The following ZNF808 variants were observed in gnomAD, a reference collection of about 807,000 sequenced individuals.
ZNF808 encodes the protein zinc finger protein 808.
Under a neutral mutation model 8.7 loss-of-function variants are expected in ZNF808, and 5 were observed. That is an observed-to-expected ratio of 0.58 (90% confidence interval 0.30 to 1.21). ZNF808 has a LOEUF of 1.21. Among genes scored for constraint, ZNF808 ranks in the 50% most tolerant of loss-of-function variants. The probability of loss-of-function intolerance (pLI) is 0.07; values close to 1 mark genes in which losing one functional copy is unlikely to be tolerated. For synonymous variants in ZNF808, 380 were observed against 366.0 expected, an observed-to-expected ratio of 1.04 and a Z score of -0.44; for missense variants, 1,103 against 1,098.4, an observed-to-expected ratio of 1.00 and a Z score of -0.06.
intron 4 of ZNF808, among the ~76,000 whole-genome samples, chr19:52,552,288 A>AT (rs928693146): frequency 6.8e-4 from 103 of 152,220 alleles, no homozygotes; most frequent in African/African-American, 2.2e-3. Flanking sequence ...AAGTGCTGGG[A>AT]TTACAGGCAT....
intron 2 of ZNF808, among the ~76,000 whole-genome samples, chr19:52,540,202 T>TA (rs1470809264): frequency 6.6e-6 from 1 of 151,840 alleles, no homozygotes; most frequent in Non-Finnish European, 1.5e-5. Context: ...AGTAGAGACA[T>TA]AGTTTCTCCA....
chr19:52,567,652 G>A (rs1355188584), downstream of ZNF808, among the ~76,000 whole-genome samples: 2 of 151,560 alleles, frequency 1.3e-5, no homozygotes, highest in Admixed American at 1.3e-4. Context: ...AGCCTCCGGA[G>A]TAGCTGGGAC....
At chr19:52,568,257 T>C (rs999890862), downstream of ZNF808, among the ~76,000 whole-genome samples, 6 of 152,174 alleles carry the variant, frequency 3.9e-5, no homozygotes, top group African/African-American at 1.4e-4. Flanking sequence ...GCCTGTATTT[T>C]CAGCTATTTG....
downstream of ZNF808, among the ~76,000 whole-genome samples, chr19:52,567,728 T>C (rs995280876): frequency 4.6e-5 from 7 of 151,870 alleles, no homozygotes; most frequent in Non-Finnish European, 1.0e-4. Context: ...TTTCTCTATA[T>C]TGGTCAGGCT....
chr19:52,558,520 T>C (rs1304797324), downstream of ZNF808, among the ~76,000 whole-genome samples: 2 of 151,894 alleles, frequency 1.3e-5, no homozygotes, highest in Non-Finnish European at 2.9e-5. Context: ...TATAGGCGTG[T>C]GCCACCACGC....
downstream of ZNF808, among the ~76,000 whole-genome samples, chr19:52,564,902 C>T (rs537345264): frequency 4.9e-4 from 74 of 152,098 alleles, no homozygotes; most frequent in East Asian, 0.011. Context: ...CTGGCTAACA[C>T]GGTGAAACCC....
intron 3 of ZNF808, among the ~76,000 whole-genome samples, chr19:52,546,474 T>G (rs537632006): frequency 7.2e-5 from 11 of 152,132 alleles, no homozygotes; most frequent in African/African-American, 2.6e-4. Flanking sequence ...CATGAGCCAC[T>G]GTGCCTGACC....
chr19:52,534,705 A>G (rs1341313670), intron 2 of ZNF808, among the ~76,000 whole-genome samples: 1 of 152,044 alleles, frequency 6.6e-6, no homozygotes, highest in Non-Finnish European at 1.5e-5. Context: ...CCTGGCCAAC[A>G]TGGTGAAACC....
chr19:52,561,022 T>A (rs1438390533), downstream of ZNF808, among the ~76,000 whole-genome samples: 2 of 152,036 alleles, frequency 1.3e-5, no homozygotes, highest in Admixed American at 1.3e-4. Flanking sequence ...AGGAGGCCGC[T>A]TAAATCAGTG....
At position 52,543,412 on chromosome 19, in the gene ZNF808, T is replaced by C. The variant is rs1250293958; in HGVS notation, c.63+65T>C. ...CTTTCTGAAATGTAGTAGTATTATA[T>C]TGTATTGTAGTAATGTATTGTAGCA... On this transcript the variant is annotated intron_variant, in intron 3 of 4. Coordinates refer to ENST00000359798, the MANE Select transcript of ZNF808 (RefSeq NM_001039886.4). 14 of 1,587,402 alleles carry C rather than the reference T, an allele frequency of 8.8e-6. No individual in the cohort carries two copies. The Admixed American group carries it at 1.4e-4, about 16-fold the overall frequency.
chr19:52,541,051 A>G (rs1364028239), intron 2 of ZNF808, among the ~76,000 whole-genome samples: 2 of 152,096 alleles, frequency 1.3e-5, no homozygotes, highest in African/African-American at 4.8e-5. Context: ...TCCTGGGTTC[A>G]AGCAATTCTT....
Position 52,554,673 on chromosome 19 carries a change from G to A in ZNF808, c.1757G>A (p.Arg586His), listed in dbSNP as rs190213756. The change falls in exon 5 of 5, where the codon CGT becomes CAT. Residue 586 changes from arginine (R) to histidine (H), a missense_variant. Physicochemically the swap from Arg to His is conservative, Grantham distance 29. Coordinates refer to ENST00000359798, the MANE Select transcript of ZNF808 (RefSeq NM_001039886.4). ...CAACAATCACATCTTTCACGTCATC[G>A]TAGACTTCATACTGGAGAGAAACCT... ...FNQQSHLSRH[R>H]RLHTGEKPYK... is the part of the protein sequence containing the mutation. 8.1e-6 allele frequency: 13 copies of A among 1,613,006 alleles called. No homozygotes were observed. The highest frequency in any genetic ancestry group is 1.7e-4 in the Middle Eastern group (1 of 6,058).
At chr19:52,539,378 A>C (rs1186964262) in intron 2 of ZNF808, among the ~76,000 whole-genome samples, 2 of 150,644 alleles carry the variant, frequency 1.3e-5, no homozygotes, top group African/African-American at 4.9e-5. Flanking sequence ...TTTTTAGTAG[A>C]GACAGTTTTC....
Position 52,547,617 on chromosome 19 carries a change from T to C in ZNF808, c.169T>C (p.Tyr57His). The C allele has an allele frequency of 6.2e-7, 1 of 1,614,018 alleles. No individual in the cohort carries two copies. Among genetic ancestry groups the C allele is most frequent in the Non-Finnish European group, 8.5e-7 (1 of 1,179,988 alleles). The change falls in exon 4 of 5, where the codon TAC becomes CAC. Residue 57 changes from tyrosine to histidine, a missense_variant. Tyr to His is a moderately conservative substitution (Grantham distance 83, BLOSUM62 2). Coordinates refer to ENST00000359798, the MANE Select transcript of ZNF808 (RefSeq NM_001039886.4). ...ALYREVMLEN[Y>H]RNLEAVDISS... Reference sequence around the variant, plus strand: ...GTACAGGGAAGTGATGTTGGAGAACTACAGGAACCTGGAGGCTGTGGGTGA... The same window carrying C: ...GTACAGGGAAGTGATGTTGGAGAACCACAGGAACCTGGAGGCTGTGGGTGA...
downstream of ZNF808, among the ~76,000 whole-genome samples, chr19:52,560,512 T>G (rs1416741838): frequency 6.6e-6 from 1 of 151,634 alleles, no homozygotes; most frequent in African/African-American, 2.4e-5. Context: ...TTTTTTTGTG[T>G]GTATGAAATT....
At chr19:52,543,634 C>A (rs1367179765) in intron 3 of ZNF808, among the ~76,000 whole-genome samples, 6 of 152,086 alleles carry the variant, frequency 3.9e-5, no homozygotes, top group Non-Finnish European at 7.3e-5. Flanking sequence ...GGTGTGGGCC[C>A]GTTGATGTCA....
chr19:52,561,158 TTC>T (rs1191860993), downstream of ZNF808, among the ~76,000 whole-genome samples: 258 of 52,382 alleles, frequency 4.9e-3, 2 homozygotes, highest in African/African-American at 0.011. Context: ...CTTCTATCTG[TTC>T]TCTCTCTCTC....
At position 52,552,411 on chromosome 19, in the gene ZNF808, CTTTTTTT is replaced by C. The variant is rs777720809; in HGVS notation, c.191-688_191-682del. ...AGAAAAATATTGTACTAACTTTTTTCTTTTTTTTTTTTTTCTGTTTGAGGCAGAGTCT... is the reference window on the plus strand; with the variant it reads ...AGAAAAATATTGTACTAACTTTTTTCTTTTTTTCTGTTTGAGGCAGAGTCT... On this transcript the variant is annotated intron_variant, in intron 4 of 4. Transcript: ENST00000359798. Among the ~76,000 whole-genome samples the C allele has an allele frequency of 7.1e-3, 1,000 of 141,802 alleles. 13 individuals are homozygous for C. The highest frequency in any genetic ancestry group is 0.024 in the African/African-American group (923 of 39,042). 93.0% of individuals were successfully genotyped at this position (141,802 alleles called of 152,430 possible).
chr19:52,565,590 A>G (rs1252768458), downstream of ZNF808, among the ~76,000 whole-genome samples: 1 of 152,178 alleles, frequency 6.6e-6, no homozygotes, highest in Non-Finnish European at 1.5e-5. Flanking sequence ...CACCTGAGTC[A>G]AATGTCTGTC....
Sources: gnomAD v4.1 joint callset for allele counts (sites outside exome capture counted in the v4.1 genomes callset) on GRCh38, gnomAD v4.1.1 for gene constraint, MANE v1.5 for transcripts, NCBI Gene and HGNC (gene_info 2026-07-23, HGNC 2026-07-21) for gene names.